The following FAT2 variants were observed in gnomAD, a reference collection of about 807,000 sequenced individuals.
FAT2 encodes FAT atypical cadherin 2.
A neutral mutation model predicts 295.3 loss-of-function variants in FAT2; 150 were observed. The ratio of observed to expected loss-of-function variants is 0.51; its 90% confidence interval spans 0.44 to 0.58. The LOEUF is 0.58. Ranked by LOEUF, FAT2 falls within the 20% of genes least tolerant of loss-of-function variation. FAT2 has a pLI of 0.00. For synonymous variants in FAT2, 2,026 were observed against 2,150.3 expected (o/e 0.94, Z 1.60); for missense variants, 4,868 against 5,442.7 (o/e 0.89, Z 3.32).
chr5:151,544,458 A>G lies in FAT2; in HGVS notation c.6669T>C (p.Gly2223=). 1 of 1,614,138 alleles carries G rather than the reference A, an allele frequency of 6.2e-7. No homozygotes were observed. The highest frequency in any genetic ancestry group is 1.1e-5 in the South Asian group (1 of 91,078). ...LMLFTTDFKT[G]VLTVTGPLDY... is the part of the protein sequence containing the mutation. Reference sequence around the variant, plus strand: ...CCAAAGGCCCTGTTACTGTTAGGACACCAGTCTTGAAGTCAGTGGTGAACA... The same window carrying G: ...CCAAAGGCCCTGTTACTGTTAGGACGCCAGTCTTGAAGTCAGTGGTGAACA... The change falls in exon 10 of 24, where the codon GGT becomes GGC. Residue 2223 remains glycine, a synonymous_variant. Transcript: ENST00000261800.
At chr5:151,513,270 A>T (rs1291264441) in intron 20 of FAT2, among the ~76,000 whole-genome samples, 1 of 152,244 alleles carries the variant, frequency 6.6e-6, no homozygotes, top group African/African-American at 2.4e-5. Context: ...TATTTTTCAT[A>T]AAAATATATA....
intron 18 of FAT2, 93 bp from the exon 19 acceptor site, chr5:151,522,179 C>G: frequency 9.8e-7 from 1 of 1,023,716 alleles, no homozygotes. Context: ...CTACGTTTCT[C>G]TGCCCCACGC....
rs889882810 is a variant in FAT2 at position 151,543,294 on chromosome 5, A to G, written c.7833T>C (p.Asp2611=). 1.2e-6 allele frequency: 2 copies of G among 1,614,082 alleles called. No individual in the cohort carries two copies. The highest frequency in any genetic ancestry group is 2.7e-5 in the African/African-American group (2 of 74,930). ...CATCTGCGTTCTGACCTTCATCTGC[A>G]TCATAGGCCAACACCTGGATAACCG... ...DSPVIQVLAY[D]ADEGQNADVT... Residue 2611 remains aspartate, a synonymous_variant, in exon 10 of 24, where the codon GAT becomes GAC. Transcript: ENST00000261800.
rs1760992466 is a variant in FAT2 at position 151,507,579 on chromosome 5, C to T, written c.12092G>A (p.Gly4031Glu). Residue 4031 changes from glycine to glutamate, a missense_variant, in exon 23 of 24, where the codon GGA becomes GAA. Gly to Glu is a moderately conservative substitution (Grantham distance 98). Coordinates refer to ENST00000261800, the MANE Select transcript of FAT2 (RefSeq NM_001447.3). ...CEMEARGCSEGHCLVTPEIQR... is the reference protein window; with the variant it reads ...CEMEARGCSEEHCLVTPEIQR... ...GATCTCGGGAGTGACTAGGCAGTGT[C>T]CTTCTGAACAACCCCTCGCCTCCAT... is the stretch of plus-strand genomic sequence containing the variant. 6.2e-7 allele frequency: 1 copy of T among 1,612,550 alleles called. No homozygotes were observed. The highest frequency in any genetic ancestry group is 1.1e-5 in the South Asian group (1 of 90,946).
chr5:151,554,408 A>G lies in FAT2; in HGVS notation c.3899T>C (p.Val1300Ala), dbSNP rs2127630365. 2.5e-6 allele frequency: 4 copies of G among 1,614,108 alleles called. No homozygotes were observed. Among genetic ancestry groups the G allele is most frequent in the Non-Finnish European group, 3.4e-6 (4 of 1,180,020 alleles). ...AGCTGTAAAAGTGCTGCTGGATGAA[A>G]CCACACCTGTGACCAGGTCGATACT... ...AFSIDLVTGV[V>A]SSSSTFTAGE... The change falls in exon 5 of 24, where the codon GTT (valine) becomes GCT (alanine). Residue 1300 changes from valine to alanine, a missense_variant. Val to Ala is a moderately conservative substitution (Grantham distance 64). Transcript: ENST00000261800.
intron 4 of FAT2, among the ~76,000 whole-genome samples, chr5:151,555,367 C>CTTTTTT (rs912481589): frequency 8.9e-5 from 11 of 123,106 alleles, no homozygotes; most frequent in African/African-American, 1.9e-4. Context: ...TAATATATTT[C>CTTTTTT]TTTTTTTTTT....
Position 151,567,204 on chromosome 5 carries a change from G to A in FAT2, c.1728C>T (p.Asp576=), listed in dbSNP as rs1758313204. The change falls in exon 2 of 24, where the codon GAC becomes GAT. Residue 576 remains aspartate, a synonymous_variant. Transcript: ENST00000261800. The stretch of plus-strand genomic sequence containing the variant: ...TCATTATCGATTTCCCTACTGGCCA[G>A]TCTTGGCGGATAGACCCTGTACAGT... ...EVNCTGSIRQ[D]WPVGKSIMTM... 6.2e-7 allele frequency: 1 copy of A among 1,614,212 alleles called. No individual in the cohort carries two copies. The highest frequency in any genetic ancestry group is 8.5e-7 in the Non-Finnish European group (1 of 1,180,040).
Position 151,507,529 on chromosome 5 carries a change from C to T in FAT2, c.12142G>A (p.Glu4048Lys), listed in dbSNP as rs1760988183. Reference sequence around the variant, plus strand: ...ACGGCCACTGTGATGATCAGTAACTCCTGCTGCCCCCAGTCCCCCCTTTGG... The same window carrying T: ...ACGGCCACTGTGATGATCAGTAACTTCTGCTGCCCCCAGTCCCCCCTTTGG... ...EIQRGDWGQQ[E>K]LLIITVAVAF... Residue 4048 changes from glutamate (E) to lysine (K), a missense_variant, in exon 23 of 24, where the codon GAG (glutamate) becomes AAG (lysine). Physicochemically the swap from Glu to Lys is moderately conservative, Grantham distance 56. Around this residue, in one of 5 missense-constraint regions of FAT2, gnomAD observed 492 missense variants for 482.6 expected, o/e 1.02. Transcript: ENST00000261800. The T allele has an allele frequency of 6.2e-7, 1 of 1,614,100 alleles. No homozygotes were observed. Among genetic ancestry groups the T allele is most frequent in the Non-Finnish European group, 8.5e-7 (1 of 1,180,008 alleles).
At position 151,567,248 on chromosome 5, in the gene FAT2, G is replaced by T; in HGVS notation, c.1684C>A (p.Pro562Thr). ...LQLRNLNDNQ[P>T]MFEEVNCTGS... ...GTACAGTTGACTTCTTCAAACATAG[G>T]CTGGTTGTCATTCAAGTTCCTGAGC... Residue 562 changes from proline to threonine, a missense_variant, in exon 2 of 24, where the codon CCT (proline) becomes ACT (threonine). Physicochemically the swap from Pro to Thr is conservative, Grantham distance 38 (BLOSUM62 -1). Transcript: ENST00000261800. 6.2e-7 allele frequency: 1 copy of T among 1,614,146 alleles called. No homozygotes were observed. Among genetic ancestry groups the T allele is most frequent in the Non-Finnish European group, 8.5e-7 (1 of 1,180,028 alleles).
intron 18 of FAT2, among the ~76,000 whole-genome samples, chr5:151,523,730 C>T (rs1753721394): frequency 6.6e-6 from 1 of 152,140 alleles, no homozygotes; most frequent in Non-Finnish European, 1.5e-5. Flanking sequence ...GGGCCATCTA[C>T]CAATCCTCTG....
chr5:151,534,295 T>C (rs1221047033), intron 13 of FAT2, 114 bp downstream of exon 13: 2 of 715,686 alleles, frequency 2.8e-6, no homozygotes, highest in Non-Finnish European at 4.6e-6. Context: ...GTCCCCAGAC[T>C]CAACAAGGAG....
At chr5:151,590,532 T>C (rs1205703921) in intron 1 of FAT2, among the ~76,000 whole-genome samples, 2 of 152,174 alleles carry the variant, frequency 1.3e-5, no homozygotes, top group African/African-American at 4.8e-5. Context: ...TCCAGTGCTG[T>C]CTTGGTGCCA....
chr5:151,576,926 G>A (rs986987501), intron 1 of FAT2, among the ~76,000 whole-genome samples: 11 of 152,188 alleles, frequency 7.2e-5, no homozygotes, highest in African/African-American at 1.4e-4. Context: ...AAACCTGTAC[G>A]GTATCCTACT....
Position 151,512,021 on chromosome 5 carries a change from A to G in FAT2, c.11905+144T>C. The G allele has an allele frequency of 1.4e-6, 1 of 702,426 alleles. No homozygotes were observed. The allele number at this position is 702,426 out of a possible 1,614,324, so 43.5% of individuals were successfully genotyped here. A position where few individuals can be genotyped will look rare whatever the true frequency, so the allele number is the denominator to read the frequency against. ...GCTTCCCCTAGTCTAGATATTGCAG[A>G]TTCCAACCTGTTACTCACAAGTTAG... On this transcript the variant is annotated intron_variant, in intron 21 of 23. Coordinates refer to ENST00000261800, the MANE Select transcript of FAT2 (RefSeq NM_001447.3). The surrounding 1 kb of genome is among the most constrained non-coding windows in gnomAD (Gnocchi z 4.1).
rs750882454 is a variant in FAT2, at chr5:151,507,289, G to A, written c.12382C>T (p.Leu4128Phe). Residue 4128 changes from leucine (L) to phenylalanine (F), a missense_variant, in exon 23 of 24, where the codon CTC becomes TTC. Coordinates refer to ENST00000261800, the MANE Select transcript of FAT2 (RefSeq NM_001447.3). ...EPSKASVPNE[L>F]VTFGPNSKQR... is the part of the protein sequence containing the mutation. ...TTAGAATTGGGTCCAAATGTGACGA[G>A]TTCATTTGGAACAGAGGCCTTGCTG... is the stretch of plus-strand genomic sequence containing the variant. The A allele has an allele frequency of 1.2e-6, 2 of 1,614,084 alleles. No individual in the cohort carries two copies. The highest frequency in any genetic ancestry group is 1.7e-6 in the Non-Finnish European group (2 of 1,180,054).
At position 151,507,322 on chromosome 5, in the gene FAT2, G is replaced by T. The variant is rs748391997; in HGVS notation, c.12349C>A (p.Pro4117Thr). 7 of 1,614,090 alleles carry T rather than the reference G, an allele frequency of 4.3e-6. No individual in the cohort carries two copies. Among genetic ancestry groups the T allele is most frequent in the East Asian group, 4.5e-5 (2 of 44,892 alleles). ...SASSCNNLNQ[P>T]EPSKASVPNE... ...GGAACAGAGGCCTTGCTGGGTTCCG[G>T]TTGGTTGAGGTTGTTGCAGGAGCTG... Residue 4117 changes from proline to threonine, a missense_variant, in exon 23 of 24, where the codon CCG becomes ACG. Around this residue, in one of 5 missense-constraint regions of FAT2, gnomAD observed 492 missense variants for 482.6 expected, o/e 1.02. Coordinates refer to ENST00000261800, the MANE Select transcript of FAT2 (RefSeq NM_001447.3).
intron 12 of FAT2, 136 bp downstream of exon 12, chr5:151,537,657 G>T: frequency 2.5e-6 from 2 of 805,494 alleles, no homozygotes; most frequent in Non-Finnish European, 3.8e-6. Context: ...TACAATGCTT[G>T]GCACATAGGG....
At chr5:151,557,919 C>T (rs997891835) in intron 3 of FAT2, among the ~76,000 whole-genome samples, 1 of 152,208 alleles carries the variant, frequency 6.6e-6, no homozygotes, top group Admixed American at 6.5e-5. Flanking sequence ...GCCCTGCCAA[C>T]CCCCAGCTCC....
At chr5:151,570,669 C>T (rs1253124624) in intron 1 of FAT2, among the ~76,000 whole-genome samples, 1 of 152,214 alleles carries the variant, frequency 6.6e-6, no homozygotes, top group African/African-American at 2.4e-5. Flanking sequence ...CTGGCTTGCC[C>T]CTGGGAGCCT....
Sources: gnomAD v4.1 joint callset for allele counts (sites outside exome capture counted in the v4.1 genomes callset) on GRCh38, gnomAD v4.1.1 for gene constraint, gnomAD v4.1.1 regional missense constraint, Gnocchi (gnomAD v3.1) non-coding constraint, MANE v1.5 for transcripts, NCBI Gene and HGNC (gene_info 2026-07-23, HGNC 2026-07-21) for gene names.